OLA1: variants seen among roughly 807,000 people sequenced by gnomAD.
OLA1 encodes the protein obg-like ATPase 1.
OLA1 carries 14 observed loss-of-function variants against 48.4 expected under a neutral mutation model. The ratio of observed to expected loss-of-function variants is 0.29; its 90% CI spans 0.19 to 0.45. The LOEUF (loss-of-function observed/expected upper bound fraction) is 0.45, where lower values mean the gene tolerates loss of function less well. Among genes scored for constraint, OLA1 ranks in the 20% least tolerant of loss-of-function variants. OLA1 has a pLI of 1.00. For synonymous variants in OLA1, 127 were observed against 150.4 expected (o/e 0.84, Z 1.14); for missense variants, 325 against 467.1 (o/e 0.70, Z 2.80).
At chr2:174,108,724 A>C (rs1685569221) in intron 7 of OLA1, among the ~76,000 whole-genome samples, 2 of 152,178 alleles carry the variant, frequency 1.3e-5, no homozygotes, top group African/African-American at 4.8e-5. Context: ...ATTCTTCTTC[A>C]GTGTCAGACT....
intron 7 of OLA1, among the ~76,000 whole-genome samples, chr2:174,093,460 C>T (rs1685172448): frequency 8.2e-6 from 1 of 121,894 alleles, no homozygotes; most frequent in Non-Finnish European, 2.0e-5. Flanking sequence ...CAGAAGAAGA[C>T]CTCTTCTCAA....
chr2:174,095,584 C>T (rs559644647), intron 7 of OLA1, among the ~76,000 whole-genome samples: 1 of 151,674 alleles, frequency 6.6e-6, no homozygotes, highest in Non-Finnish European at 1.5e-5. Context: ...GACAAAGGTA[C>T]CAAAACAATT....
intron 7 of OLA1, among the ~76,000 whole-genome samples, chr2:174,103,733 T>C (rs964262326): frequency 3.9e-5 from 6 of 152,168 alleles, no homozygotes; most frequent in Non-Finnish European, 8.8e-5. Flanking sequence ...AAAACATGCA[T>C]GGTCCTTATT....
intron 10 of OLA1, among the ~76,000 whole-genome samples, chr2:174,077,218 AT>A (rs1210788598): frequency 6.6e-6 from 1 of 152,198 alleles, no homozygotes; most frequent in African/African-American, 2.4e-5. Context: ...ATTGCTAATA[AT>A]GTGATATCCC....
chr2:174,229,179 C>T (rs915184427), intron 3 of OLA1, 129 bp downstream of exon 3: 1 of 981,752 alleles, frequency 1.0e-6, no homozygotes, highest in East Asian at 2.7e-5. Context: ...CAGCCCTCTG[C>T]ATGACTTTTA....
chr2:174,166,616 G>C (rs10189011), intron 4 of OLA1, among the ~76,000 whole-genome samples: 80,959 of 151,952 alleles, frequency 0.53, 22,135 homozygotes, highest in East Asian at 0.94. Flanking sequence ...ACTATAGCAC[G>C]GTGCAATAGT....
intron 4 of OLA1, among the ~76,000 whole-genome samples, chr2:174,153,555 A>C (rs1328332004): frequency 1.6e-5 from 2 of 128,294 alleles, no homozygotes; most frequent in Non-Finnish European, 1.6e-5. Context: ...AATGTACAGA[A>C]CACCAGAAAA....
chr2:174,095,266 ACCAGTACT>A (rs1685220417), intron 7 of OLA1, among the ~76,000 whole-genome samples: 1 of 148,608 alleles, frequency 6.7e-6, no homozygotes, highest in Admixed American at 6.7e-5. Context: ...TTACATTCCT[ACCAGTACT>A]GCACAAGGGT....
At chr2:174,139,696 C>T (rs1686393551) in intron 5 of OLA1, among the ~76,000 whole-genome samples, 1 of 151,996 alleles carries the variant, frequency 6.6e-6, no homozygotes, top group African/African-American at 2.4e-5. Flanking sequence ...GAAACCCCGT[C>T]TCTACTAAAA....
chr2:174,163,088 G>T (rs1687051852), intron 4 of OLA1, among the ~76,000 whole-genome samples: 1 of 152,096 alleles, frequency 6.6e-6, no homozygotes, highest in East Asian at 1.9e-4. Flanking sequence ...ACTGGAAGAA[G>T]ACTGTAACAG....
rs71405179 is a variant in OLA1, at chr2:174,133,433, TCA to T, written c.549+8390_549+8391del. On this transcript the variant is annotated intron_variant, in intron 5 of 10. Transcript: ENST00000284719. ...TGGAGTGCAGTGGCGCAACCTCGAC[TCA>T]CTGCAACCTCCGCCTCTCAGGTTCA... Among the ~76,000 whole-genome samples the T allele has an allele frequency of 5.5e-3, 833 of 152,334 alleles. 3 individuals are homozygous for T. Among genetic ancestry groups the T allele is most frequent in the Non-Finnish European group, 9.7e-3 (663 of 68,012 alleles).
intron 10 of OLA1, among the ~76,000 whole-genome samples, chr2:174,076,110 T>C (rs1018085171): frequency 3.3e-5 from 5 of 152,216 alleles, no homozygotes; most frequent in Non-Finnish European, 7.4e-5. Context: ...TCCTGACTAA[T>C]GGCCCTAGTT....
intron 4 of OLA1, among the ~76,000 whole-genome samples, chr2:174,158,244 C>T (rs1380914648): frequency 2.6e-5 from 4 of 152,186 alleles, no homozygotes; most frequent in Non-Finnish European, 5.9e-5. Flanking sequence ...GACCTTGTGA[C>T]ACCCCTTATT....
chr2:174,163,031 G>A (rs1213140058), intron 4 of OLA1, among the ~76,000 whole-genome samples: 2 of 151,544 alleles, frequency 1.3e-5, no homozygotes, highest in Non-Finnish European at 2.9e-5. Flanking sequence ...GCAACAGAGT[G>A]AGACTGTCTC....
At chr2:174,093,108 T>C (rs912876874) in intron 7 of OLA1, among the ~76,000 whole-genome samples, 11 of 152,284 alleles carry the variant, frequency 7.2e-5, no homozygotes, top group Admixed American at 2.6e-4. Flanking sequence ...AAGCAGTTTT[T>C]CTCAAAATAT....
intron 4 of OLA1, among the ~76,000 whole-genome samples, chr2:174,148,367 C>T (rs1414586480): frequency 2.6e-5 from 4 of 152,018 alleles, no homozygotes; most frequent in African/African-American, 7.2e-5. Context: ...CCAGCCGGAG[C>T]GACAAGAGTG....
chr2:174,212,635 A>T (rs1162265672), intron 4 of OLA1, among the ~76,000 whole-genome samples: 1 of 152,198 alleles, frequency 6.6e-6, no homozygotes, highest in East Asian at 1.9e-4. Flanking sequence ...CACATTGTAC[A>T]ACTGTATAAA....
intron 4 of OLA1, among the ~76,000 whole-genome samples, chr2:174,219,581 C>T (rs1688452637): frequency 2.0e-5 from 3 of 151,894 alleles, no homozygotes; most frequent in Admixed American, 1.3e-4. Context: ...GCACATGCCA[C>T]CATACCCAGC....
intron 2 of OLA1, among the ~76,000 whole-genome samples, chr2:174,243,210 C>A (rs1323768831): frequency 6.6e-6 from 1 of 152,076 alleles, no homozygotes; most frequent in Non-Finnish European, 1.5e-5. Flanking sequence ...GGTTTCACCA[C>A]GCTGGTCAGG....
Sources: allele counts gnomAD v4.1 joint callset (sites outside exome capture counted in the v4.1 genomes callset), GRCh38; gene constraint gnomAD v4.1.1; transcripts MANE v1.5; gene names NCBI Gene and HGNC (gene_info 2026-07-23, HGNC 2026-07-21).